Variants in KLKB1 observed in about 807,000 individuals in gnomAD.
KLKB1 encodes the protein plasma kallikrein.
KLKB1 carries 58 observed loss-of-function variants against 73.6 expected under a neutral mutation model. That is an observed-to-expected ratio of 0.79 (90% CI 0.64 to 0.98). The LOEUF (loss-of-function observed/expected upper bound fraction) is 0.98. Among genes scored for constraint, KLKB1 ranks in the 50% least tolerant of loss-of-function variants. The pLI, the probability that KLKB1 is intolerant of heterozygous loss-of-function variation, is 0.00. For synonymous variants in KLKB1, 280 were observed against 258.1 expected (o/e 1.08, Z -0.81); for missense variants, 737 against 763.8 (o/e 0.96, Z 0.41).
At chr4:186,257,085 A>G in intron 13 of KLKB1, 141 bp from the exon 14 acceptor site, 1 of 475,186 alleles carries the variant, frequency 2.1e-6, no homozygotes, top group Non-Finnish European at 3.6e-6. Flanking sequence ...CTTATGAAAA[A>G]TACACTGCTC....
At position 186,245,824 on chromosome 4, in the gene KLKB1, G is replaced by GTTTTTTTTTTTTTTTTTTTTTTTTT. The variant is rs1402408736; in HGVS notation, c.599-4407_599-4406insTTTTTTTTTTTTTTTTTTTTTTTTT. Among the ~76,000 whole-genome samples, 4 of 109,996 alleles carry GTTTTTTTTTTTTTTTTTTTTTTTTT rather than the reference G, an allele frequency of 3.6e-5. 1 individual carries two copies. The highest frequency in any genetic ancestry group is 7.9e-5 in the Non-Finnish European group (4 of 50,828). The allele number at this position is 109,996 out of a possible 152,430, so 72.2% of individuals were successfully genotyped here. A position where few individuals can be genotyped will look rare whatever the true frequency, so the allele number is the denominator to read the frequency against. ...GGAGTTTTTTTTTGTTTGTTTTTTG[G>GTTTTTTTTTTTTTTTTTTTTTTTTT]TTTTTTTTTTTTAATGTCAGGAGCT... is the stretch of plus-strand genomic sequence containing the variant. On this transcript the variant is annotated intron_variant, in intron 6 of 14. Transcript: ENST00000264690.
chr4:186,251,428 G>A lies in KLKB1; in HGVS notation c.869-59G>A, dbSNP rs556743881. 2.2e-5 allele frequency: 34 copies of A among 1,567,278 alleles called. 1 individual carries two copies. The South Asian group carries it at 3.8e-4, about 17-fold the overall frequency. Reference sequence around the variant, plus strand: ...AATCCTCAAGGTAACAGAAACTTGTGTAAATGTCGTTCATTGCTTTTCCCA... The same window carrying A: ...AATCCTCAAGGTAACAGAAACTTGTATAAATGTCGTTCATTGCTTTTCCCA... On this transcript the variant is annotated intron_variant, in intron 8 of 14. Coordinates refer to ENST00000264690, the MANE Select transcript of KLKB1 (RefSeq NM_000892.5).
chr4:186,211,994 G>A (rs1736738108), intron 2 of KLKB1: 1 of 152,036 alleles, frequency 6.6e-6, no homozygotes, highest in Non-Finnish European at 1.5e-5. Context: ...GCCTCACAGA[G>A]TTAATCATGC....
At chr4:186,227,383 T>C (rs1737203725), upstream of KLKB1, 1 of 152,196 alleles carries the variant, frequency 6.6e-6, no homozygotes, top group South Asian at 2.1e-4. Context: ...CTCCCTGAAA[T>C]AGTTAATATA....
chr4:186,249,013 A>T (rs1383161186), intron 6 of KLKB1, among the ~76,000 whole-genome samples: 2 of 152,166 alleles, frequency 1.3e-5, no homozygotes, highest in Non-Finnish European at 2.9e-5. Flanking sequence ...CATTAAAAAT[A>T]ATTGGGTTAT....
rs754351162 is a variant in KLKB1 at position 186,251,665 on chromosome 4, T to G, written c.1031+16T>G. On this transcript the variant is annotated intron_variant, in intron 9 of 14. Transcript: ENST00000264690. ...AGGAAGAGAAGTAAAGGAAATTTTATTTTTCAAAGACAGTTGACATGACCA... is the reference window on the plus strand; with the variant it reads ...AGGAAGAGAAGTAAAGGAAATTTTAGTTTTCAAAGACAGTTGACATGACCA... 1.2e-6 allele frequency: 2 copies of G among 1,613,054 alleles called. No homozygotes were observed. Among genetic ancestry groups the G allele is most frequent in the Admixed American group, 3.3e-5 (2 of 60,006 alleles).
chr4:186,233,201 C>A (rs1190429781), intron 3 of KLKB1, among the ~76,000 whole-genome samples: 1 of 152,220 alleles, frequency 6.6e-6, no homozygotes, highest in African/African-American at 2.4e-5. Flanking sequence ...GCATGAGCCA[C>A]CGCACCCAGC....
At chr4:186,238,512 G>A (rs1479056038) in intron 6 of KLKB1, 147 bp downstream of exon 6, 8 of 688,888 alleles carry the variant, frequency 1.2e-5, no homozygotes, top group Admixed American at 2.1e-5. Context: ...TACGGGCTTC[G>A]AGATGGGGAG....
intron 2 of KLKB1, among the ~76,000 whole-genome samples, chr4:186,220,921 A>G (rs532087848): frequency 2.6e-5 from 4 of 152,294 alleles, no homozygotes; most frequent in South Asian, 2.1e-4. Context: ...GACTTCACCA[A>G]TGAAGACATC....
At chr4:186,250,504 G>C (rs150428490) in intron 7 of KLKB1, 102 bp downstream of exon 7, 2 of 1,377,214 alleles carry the variant, frequency 1.5e-6, no homozygotes, top group Non-Finnish European at 2.1e-6. Flanking sequence ...TAAAAGTTTC[G>C]TTCATTTCCC....
intron 14 of KLKB1, among the ~76,000 whole-genome samples, chr4:186,257,708 G>A (rs1561469329): frequency 1.3e-5 from 2 of 151,662 alleles, no homozygotes; most frequent in East Asian, 3.9e-4. Flanking sequence ...AAAAATGCAG[G>A]CACATGAGAT....
chr4:186,215,309 CCTTTCTTTCTCTTTCTTTCT>C (rs559273362), intron 2 of KLKB1, among the ~76,000 whole-genome samples: 4 of 144,036 alleles, frequency 2.8e-5, no homozygotes, highest in East Asian at 2.0e-4. Flanking sequence ...AGGAGAGTAG[CCTTTCTTTCTCTTTCTTTCT>C]CTTTCTTTCT....
chr4:186,224,716 C>A (rs755693081), upstream of KLKB1, among the ~76,000 whole-genome samples: 1 of 152,140 alleles, frequency 6.6e-6, no homozygotes, highest in Non-Finnish European at 1.5e-5. Context: ...ACTTTGGACT[C>A]GGACTTTTGG....
At position 186,239,464 on chromosome 4, in the gene KLKB1, TGTTATA is replaced by T. The variant is rs1198746237; in HGVS notation, c.598+1107_598+1112del. 1.0e-3 allele frequency among the ~76,000 whole-genome samples: 114 copies of T among 109,082 alleles called. 4 individuals carry two copies. The highest frequency in any genetic ancestry group is 4.4e-3 in the African/African-American group (107 of 24,132). 71.6% of individuals were successfully genotyped at this position (109,082 alleles called of 152,430 possible). A position where few individuals can be genotyped will look rare whatever the true frequency, so the allele number is the denominator to read the frequency against. On this transcript the variant is annotated intron_variant, in intron 6 of 14. Coordinates refer to ENST00000264690, the MANE Select transcript of KLKB1 (RefSeq NM_000892.5). ...GTTAGAGTTATAGGTACAGTGATAT[TGTTATA>T]GTTATAGGAAACTAGTACAGTGATA...
intron 2 of KLKB1, 98 bp downstream of exon 2, chr4:186,228,351 C>A: frequency 1.3e-6 from 1 of 760,804 alleles, no homozygotes. Context: ...CATACAGCTT[C>A]GGGGGTGGAG....
chr4:186,219,099 C>G (rs1383079981), intron 2 of KLKB1, among the ~76,000 whole-genome samples: 1 of 152,176 alleles, frequency 6.6e-6, no homozygotes, highest in African/African-American at 2.4e-5. Context: ...TTCCACGTTC[C>G]TCTGCCTGCT....
chr4:186,246,579 G>C (rs546488489), intron 6 of KLKB1, among the ~76,000 whole-genome samples: 1 of 152,330 alleles, frequency 6.6e-6, no homozygotes, highest in African/African-American at 2.4e-5. Flanking sequence ...AGGCATTTAG[G>C]TTTTAGGTCA....
chr4:186,229,531 T>C (rs1386727094), intron 2 of KLKB1, among the ~76,000 whole-genome samples: 3 of 152,310 alleles, frequency 2.0e-5, no homozygotes, highest in South Asian at 4.1e-4. Flanking sequence ...CTTATGCTCT[T>C]ATTCAGTTAT....
At chr4:186,230,448 C>G (rs1737338869) in intron 2 of KLKB1, among the ~76,000 whole-genome samples, 1 of 152,140 alleles carries the variant, frequency 6.6e-6, no homozygotes, top group Non-Finnish European at 1.5e-5. Context: ...ACTGAATAAT[C>G]TGCCCAAAGT....
Sources: allele counts gnomAD v4.1 joint callset (sites outside exome capture counted in the v4.1 genomes callset), GRCh38; gene constraint gnomAD v4.1.1; transcripts MANE v1.5; gene names NCBI Gene and HGNC (gene_info 2026-07-23, HGNC 2026-07-21).